Variants in GRIP2 observed in about 807,000 individuals in gnomAD.
GRIP2 encodes glutamate receptor-interacting protein 2.
A neutral mutation model predicts 108.3 loss-of-function variants in GRIP2; 58 were observed. The ratio of observed to expected loss-of-function variants is 0.54; its 90% CI spans 0.43 to 0.67. GRIP2 has a LOEUF of 0.67. Ranked by LOEUF, GRIP2 falls within the 30% of genes least tolerant of loss-of-function variation. GRIP2 has a pLI of 0.00. For missense variants in GRIP2, 1,278 were observed against 1,430.6 expected, an observed-to-expected ratio of 0.89 and a Z score of 1.72; for synonymous variants, 586 against 598.2, an observed-to-expected ratio of 0.98 and a Z score of 0.30.
At chr3:14,596,722 T>C in the GRIP2 span, among the ~76,000 whole-genome samples, 62 of 152,058 alleles carry the variant, frequency 4.1e-4, no homozygotes, top group South Asian at 3.7e-3. Flanking sequence ...TGCTATCTTA[T>C]GTGGGATGAT....
chr3:14,594,390 G>T, the GRIP2 span, among the ~76,000 whole-genome samples: 3 of 151,968 alleles, frequency 2.0e-5, no homozygotes, highest in African/African-American at 7.3e-5. Flanking sequence ...GTGTAGGGAA[G>T]CGGTGACGTG....
intron 21 of GRIP2, among the ~76,000 whole-genome samples, chr3:14,501,832 CTG>C (rs1693774785): frequency 6.6e-6 from 1 of 151,982 alleles, no homozygotes; most frequent in African/African-American, 2.4e-5. Flanking sequence ...AATGTAAAAA[CTG>C]AATGTTGAAA....
rs1693555207 is a variant in GRIP2, at chr3:14,495,194, C to CCTCTCAACACTCAAGTA, written c.2824-206_2824-205insTACTTGAGTGTTGAGAG. Among the ~76,000 whole-genome samples, 3 of 151,594 alleles carry CCTCTCAACACTCAAGTA rather than the reference C, an allele frequency of 2.0e-5. No homozygotes were observed. The South Asian group carries it at 6.3e-4, about 32-fold the overall frequency. On this transcript the variant is annotated intron_variant, in intron 22 of 23. Transcript: ENST00000621039. ...AACCTCCCTCAGCAGATGCTCCAGG[C>CCTCTCAACACTCAAGTA]CACAACACTCAAGTACGACGGAGCC...
At chr3:14,583,115 C>T in the GRIP2 span, among the ~76,000 whole-genome samples, 12 of 152,336 alleles carry the variant, frequency 7.9e-5, no homozygotes, top group South Asian at 2.1e-3. Context: ...CATTGCTCCC[C>T]TACCCCTCTC....
chr3:14,523,570 C>CT, intron 5 of GRIP2, 42 bp downstream of exon 5: 1 of 1,309,604 alleles, frequency 7.6e-7, no homozygotes, highest in Non-Finnish European at 1.1e-6. Context: ...GTATTAGCCT[C>CT]TTTCTTGCTG....
At chr3:14,509,301 G>T (rs551699835) in intron 17 of GRIP2, among the ~76,000 whole-genome samples, 1 of 152,182 alleles carries the variant, frequency 6.6e-6, no homozygotes, top group African/African-American at 2.4e-5. Context: ...GAGAAGGCTC[G>T]GTCTCACCCA....
At chr3:14,517,936 G>A (rs370002709) in intron 9 of GRIP2, 39 bp from the exon 10 acceptor site, 17 of 1,497,006 alleles carry the variant, frequency 1.1e-5, no homozygotes, top group East Asian at 4.8e-5. Context: ...AGGTGCAGGC[G>A]TTAGTGGCTG....
chr3:14,538,163 G>A lies in GRIP2; in HGVS notation c.40+2106C>T, dbSNP rs1464471077. ...TGGTCCACAGAGCCCAGCTCCAATCGGGGCACTCACTGACGCACACTGCCA... is the reference window on the plus strand; with the variant it reads ...TGGTCCACAGAGCCCAGCTCCAATCAGGGCACTCACTGACGCACACTGCCA... On this transcript the variant is annotated intron_variant, in intron 1 of 23. Coordinates refer to ENST00000621039, the MANE Select transcript of GRIP2 (RefSeq NM_001080423.4). Among the ~76,000 whole-genome samples, 4 of 152,256 alleles carry A rather than the reference G, an allele frequency of 2.6e-5. No homozygotes were observed. In the South Asian group the frequency reaches 6.2e-4, roughly 24 times the overall value.
the GRIP2 span, among the ~76,000 whole-genome samples, chr3:14,568,743 G>A: frequency 6.6e-6 from 1 of 152,234 alleles, no homozygotes; most frequent in Non-Finnish European, 1.5e-5. Flanking sequence ...GGTTGGGACA[G>A]GTGAGAGCGA....
chr3:14,539,628 G>A (rs1694913069), intron 1 of GRIP2, among the ~76,000 whole-genome samples: 1 of 152,216 alleles, frequency 6.6e-6, no homozygotes, highest in Non-Finnish European at 1.5e-5. Flanking sequence ...CTCCCTCTTT[G>A]GAGGAATAGG....
chr3:14,531,700 G>A (rs1183032083), intron 1 of GRIP2, among the ~76,000 whole-genome samples: 1 of 152,232 alleles, frequency 6.6e-6, no homozygotes, highest in Non-Finnish European at 1.5e-5. Flanking sequence ...TCAGAAAAGG[G>A]AGGTCTTTGG....
chr3:14,506,927 C>CA lies in GRIP2; in HGVS notation c.2271dup (p.Glu758Ter), dbSNP rs1369667356. 1 of 1,607,706 alleles carries CA rather than the reference C, an allele frequency of 6.2e-7. No individual in the cohort carries two copies. The highest frequency in any genetic ancestry group is 1.7e-5 in the Admixed American group (1 of 59,204). On this transcript the variant is annotated frameshift_variant, in exon 19 of 24. Transcript: ENST00000621039. LOFTEE classifies it high-confidence loss of function. ...CCTTTCAGGGCATCTGCTGGGTCCT[C>CA]ATCAGCATCACTGGTCTCACTGAGG... is the stretch of plus-strand genomic sequence containing the variant.
the GRIP2 span, chr3:14,574,730 C>T: frequency 5.9e-6 from 3 of 510,502 alleles, no homozygotes; most frequent in South Asian, 3.5e-5. Flanking sequence ...CATCCCTAAT[C>T]GAGCAGCCTT....
At chr3:14,570,810 G>A in the GRIP2 span, among the ~76,000 whole-genome samples, 41 of 152,308 alleles carry the variant, frequency 2.7e-4, no homozygotes, top group African/African-American at 9.4e-4. Context: ...GCTGGCGCTC[G>A]ACCTGATGTG....
At chr3:14,599,675 C>CTGTG in the GRIP2 span, among the ~76,000 whole-genome samples, 3 of 99,598 alleles carry the variant, frequency 3.0e-5, no homozygotes, top group African/African-American at 1.2e-4. Context: ...CTCTCTCTCT[C>CTGTG]TCTCTCTCTC....
Position 14,493,832 on chromosome 3 carries a change from T to A in GRIP2, c.2971-6A>T, listed in dbSNP as rs1320811676. On this transcript the variant is annotated splice_region_variant and splice_polypyrimidine_tract_variant and intron_variant, in intron 23 of 23. Coordinates refer to ENST00000621039, the MANE Select transcript of GRIP2 (RefSeq NM_001080423.4). ...CGTGTACGGACGTGGTTGACCTGCA[T>A]GGGGCACAAGCAAGGGAACAGAACC... The A allele has an allele frequency of 1.9e-6, 3 of 1,609,700 alleles. No individual in the cohort carries two copies. In the East Asian group the frequency reaches 6.7e-5, roughly 36 times the overall value.
chr3:14,511,206 T>C lies in GRIP2; in HGVS notation c.1892A>G (p.Asp631Gly). The C allele has an allele frequency of 1.2e-6, 2 of 1,613,898 alleles. No homozygotes were observed. The highest frequency in any genetic ancestry group is 1.7e-6 in the Non-Finnish European group (2 of 1,179,866). Residue 631 changes from aspartate to glycine, a missense_variant, in exon 16 of 24, where the codon GAC becomes GGC. Coordinates refer to ENST00000621039, the MANE Select transcript of GRIP2 (RefSeq NM_001080423.4). The surrounding 1 kb of genome is among the most constrained non-coding windows in gnomAD (Gnocchi z 4.1). ...CTTCCGGATCTTCAGCTTCACCAGG[T>C]CCTCGCACTGCCGCAGGATTTGCAC... ...DAVQILRQCE[D>G]LVKLKIRKDE...
chr3:14,542,675 G>A (rs1266129851), upstream of GRIP2, among the ~76,000 whole-genome samples: 1 of 152,162 alleles, frequency 6.6e-6, no homozygotes, highest in African/African-American at 2.4e-5. Context: ...CTGAGTGCTT[G>A]CCATGCTATG....
At chr3:14,555,074 C>T (rs1695213296) in intron 1 of GRIP2, among the ~76,000 whole-genome samples, 1 of 152,110 alleles carries the variant, frequency 6.6e-6, no homozygotes, top group African/African-American at 2.4e-5. Flanking sequence ...TTAACTCCAG[C>T]TCCTCCCCAC....
Sources: allele counts gnomAD v4.1 joint callset (sites outside exome capture counted in the v4.1 genomes callset), GRCh38; gene constraint gnomAD v4.1.1; non-coding constraint Gnocchi (gnomAD v3.1); transcripts MANE v1.5; gene names NCBI Gene and HGNC (gene_info 2026-07-23, HGNC 2026-07-21).